SNX10: variants seen among roughly 807,000 people sequenced by gnomAD.
SNX10 encodes sorting nexin 10, also known as sorting nexin-10.
SNX10 carries 25 observed loss-of-function variants against 28.5 expected under a neutral mutation model. That is an observed-to-expected ratio of 0.88 (90% CI 0.64 to 1.22). The LOEUF is 1.22. Ranked by LOEUF, SNX10 falls within the 50% of genes most tolerant of loss-of-function variation. The probability of loss-of-function intolerance (pLI) is 0.00; values close to 1 mark genes in which losing one functional copy is unlikely to be tolerated. For synonymous variants in SNX10, 62 were observed against 81.4 expected, an observed-to-expected ratio of 0.76 and a Z score of 1.28; for missense variants, 223 against 242.6, an observed-to-expected ratio of 0.92 and a Z score of 0.54.
chr7:26,372,325 T>TA (rs777050982), intron 6 of SNX10, 166 bp from the exon 7 acceptor site: 57 of 634,582 alleles, frequency 9.0e-5, no homozygotes, highest in Middle Eastern at 7.9e-4. Flanking sequence ...ATTATCTAGC[T>TA]AAAAAAATAC....
chr7:26,364,603 G>A lies in SNX10; in HGVS notation c.180G>A (p.Leu60=). Residue 60 remains leucine, a synonymous_variant, in exon 4 of 7, where the codon CTG becomes CTA. Transcript: ENST00000338523. This position sits in a 1 kb window ranked among gnomAD's most constrained non-coding sequence, Gnocchi z 4.9. ...GAAGATATAGAGAATTCGTGTGGCTGAGGCAGAGACTCCAAAGTAATGCGT... is the reference window on the plus strand; with the variant it reads ...GAAGATATAGAGAATTCGTGTGGCTAAGGCAGAGACTCCAAAGTAATGCGT... The part of the protein sequence containing the change: ...VRRRYREFVW[L]RQRLQSNALL... 1.9e-6 allele frequency: 3 copies of A among 1,613,974 alleles called. No homozygotes were observed. The African/African-American group carries it at 4.0e-5, about 22-fold the overall frequency.
At chr7:26,343,294 AC>A (rs1788250936) in intron 1 of SNX10, among the ~76,000 whole-genome samples, 1 of 152,104 alleles carries the variant, frequency 6.6e-6, no homozygotes, top group South Asian at 2.1e-4. Flanking sequence ...TTGGAAGGCC[AC>A]CCTAGGGAAG....
At chr7:26,353,460 T>TTGGG (rs1788689204) in intron 2 of SNX10, among the ~76,000 whole-genome samples, 68 of 83,288 alleles carry the variant, frequency 8.2e-4, no homozygotes, top group South Asian at 1.5e-3. Flanking sequence ...TTTTTTTTTT[T>TTGGG]GGTGGGGAGA....
intron 1 of SNX10, among the ~76,000 whole-genome samples, chr7:26,340,540 G>GCTTTCTC (rs751395125): frequency 1.3e-5 from 2 of 152,216 alleles, no homozygotes; most frequent in Non-Finnish European, 2.9e-5. Context: ...AATAGAGGAA[G>GCTTTCTC]CTTTCTCCTC....
chr7:26,292,830 A>G (rs142868538), intron 1 of SNX10, among the ~76,000 whole-genome samples: 8 of 152,330 alleles, frequency 5.3e-5, no homozygotes, highest in African/African-American at 1.4e-4. Flanking sequence ...ACAGACAGGG[A>G]GGCTAAGGCC....
chr7:26,309,553 T>C (rs1786738295), intron 1 of SNX10, among the ~76,000 whole-genome samples: 1 of 152,092 alleles, frequency 6.6e-6, no homozygotes, highest in African/African-American at 2.4e-5. Flanking sequence ...TATTACCTCT[T>C]TTCGGAAGAT....
intron 3 of SNX10, among the ~76,000 whole-genome samples, chr7:26,362,700 A>G (rs1180492197): frequency 1.3e-5 from 2 of 152,238 alleles, no homozygotes; most frequent in Non-Finnish European, 2.9e-5. Flanking sequence ...CTTAGTTGTT[A>G]ACCCATAGAG....
Position 26,364,470 on chromosome 7 carries a change from T to G in SNX10, c.112-65T>G. ...GTGAATGTTGAGATCATATTGTGAATTATAGATACAAGAAATGCATTTTTT... is the reference window on the plus strand; with the variant it reads ...GTGAATGTTGAGATCATATTGTGAAGTATAGATACAAGAAATGCATTTTTT... On this transcript the variant is annotated intron_variant, in intron 3 of 6. Transcript: ENST00000338523. The surrounding 1 kb of genome is among the most constrained non-coding windows in gnomAD (Gnocchi z 4.9). 6.5e-7 allele frequency: 1 copy of G among 1,528,242 alleles called. No homozygotes were observed. Among genetic ancestry groups the G allele is most frequent in the Non-Finnish European group, 8.8e-7 (1 of 1,135,040 alleles). The allele number at this position is 1,528,242 out of a possible 1,614,324, so 94.7% of individuals were successfully genotyped here. A position where few individuals can be genotyped will look rare whatever the true frequency, so the allele number is the denominator to read the frequency against.
chr7:26,350,568 C>T (rs1316567461), intron 2 of SNX10, among the ~76,000 whole-genome samples: 1 of 152,084 alleles, frequency 6.6e-6, no homozygotes, highest in African/African-American at 2.4e-5. Context: ...TAGCTAGGAT[C>T]CTGTGATGCT....
At chr7:26,367,217 T>G (rs1562822147) in intron 5 of SNX10, among the ~76,000 whole-genome samples, 1 of 152,160 alleles carries the variant, frequency 6.6e-6, no homozygotes. Flanking sequence ...AATAGATGTT[T>G]ATTAAGTGAA....
intron 5 of SNX10, among the ~76,000 whole-genome samples, chr7:26,365,841 G>T (rs982988857): frequency 8.7e-6 from 1 of 115,304 alleles, no homozygotes; most frequent in Non-Finnish European, 2.0e-5. Context: ...TCCTCGCTCT[G>T]CCACTTACTA....
At chr7:26,327,761 G>T (rs573804317) in intron 1 of SNX10, among the ~76,000 whole-genome samples, 13 of 113,292 alleles carry the variant, frequency 1.1e-4, no homozygotes, top group Non-Finnish European at 1.7e-4. Context: ...ATGGTGTCTC[G>T]CTCTATCCCC....
At chr7:26,351,044 T>G (rs1366135358) in intron 2 of SNX10, among the ~76,000 whole-genome samples, 1 of 152,208 alleles carries the variant, frequency 6.6e-6, no homozygotes, top group Admixed American at 6.5e-5. Flanking sequence ...TTGAGCTATT[T>G]CTTTCTAGTC....
At chr7:26,348,684 C>T (rs1788484460) in intron 2 of SNX10, among the ~76,000 whole-genome samples, 2 of 152,218 alleles carry the variant, frequency 1.3e-5, no homozygotes, top group African/African-American at 2.4e-5. Context: ...AAAACACCTG[C>T]ACGTGGTCTC....
At chr7:26,350,379 G>A (rs1651561083) in intron 2 of SNX10, among the ~76,000 whole-genome samples, 2 of 152,124 alleles carry the variant, frequency 1.3e-5, no homozygotes, top group African/African-American at 2.4e-5. Context: ...AGGGAGGGAT[G>A]TGTTGCCATT....
At chr7:26,351,137 C>T (rs13242213) in intron 2 of SNX10, among the ~76,000 whole-genome samples, 30,125 of 152,172 alleles carry the variant, frequency 0.2, 2,987 homozygotes, top group African/African-American at 0.23. Context: ...TCTTCCAGCT[C>T]AGTGTTCTAA....
intron 1 of SNX10, among the ~76,000 whole-genome samples, chr7:26,314,653 G>A (rs1171965047): frequency 1.3e-5 from 2 of 152,070 alleles, no homozygotes; most frequent in East Asian, 1.9e-4. Context: ...TCATAGTTGA[G>A]TATCAAGAAT....
chr7:26,349,916 C>G (rs1431403548), intron 2 of SNX10, among the ~76,000 whole-genome samples: 2 of 152,224 alleles, frequency 1.3e-5, no homozygotes, highest in African/African-American at 4.8e-5. Context: ...CAGTCCCTTT[C>G]ATGGAGTCGG....
rs150938400 is a variant in SNX10 at position 26,367,696 on chromosome 7, A to T, written c.311+2551A>T. Among the ~76,000 whole-genome samples the T allele has an allele frequency of 9.0e-4, 136 of 151,784 alleles. 2 individuals carry two copies. The Middle Eastern group carries it at 0.017, about 19-fold the overall frequency. On this transcript the variant is annotated intron_variant, in intron 5 of 6. Transcript: ENST00000338523. ...CCCTCCCCTCACCCAACCAGGGTCC[A>T]CTCTAGGGAACTGGATGTGATGTGT...
Sources: gnomAD v4.1 joint callset for allele counts (sites outside exome capture counted in the v4.1 genomes callset) on GRCh38, gnomAD v4.1.1 for gene constraint, Gnocchi (gnomAD v3.1) non-coding constraint, MANE v1.5 for transcripts, NCBI Gene and HGNC (gene_info 2026-07-23, HGNC 2026-07-21) for gene names.